Variants in CDH12 observed in about 807,000 individuals in gnomAD.
CDH12 encodes cadherin-12.
A neutral mutation model predicts 74.1 loss-of-function variants in CDH12; 41 were observed. That is an observed-to-expected ratio of 0.55 (90% CI 0.43 to 0.72). The LOEUF is 0.72. CDH12 is among the 30% of genes least tolerant of loss of function. CDH12 has a pLI of 0.00. For missense variants in CDH12, 945 were observed against 977.2 expected (o/e 0.97, Z 0.44); for synonymous variants, 399 against 355.0 (o/e 1.12, Z -1.39).
At chr5:21,903,388 T>A (rs1211490840) in intron 6 of CDH12, among the ~76,000 whole-genome samples, 1 of 152,156 alleles carries the variant, frequency 6.6e-6, no homozygotes, top group Non-Finnish European at 1.5e-5. Context: ...GTAAGAAGCA[T>A]GCAAATAGAT....
At chr5:22,819,869 A>AAT (rs971720617) in intron 1 of CDH12, among the ~76,000 whole-genome samples, 1 of 149,268 alleles carries the variant, frequency 6.7e-6, no homozygotes, top group African/African-American at 2.4e-5. Context: ...CAGATATTTA[A>AAT]ATATATATAT....
intron 2 of CDH12, among the ~76,000 whole-genome samples, chr5:22,504,105 G>T (rs2126660727): frequency 6.6e-6 from 1 of 151,890 alleles, no homozygotes; most frequent in East Asian, 1.9e-4. Context: ...CAAAGAAAAG[G>T]TAAGCAATTT....
At chr5:21,804,247 C>A (rs776121188) in intron 9 of CDH12, among the ~76,000 whole-genome samples, 1 of 151,790 alleles carries the variant, frequency 6.6e-6, no homozygotes. Flanking sequence ...GCATAATATG[C>A]GATGGTTGAT....
intron 1 of CDH12, among the ~76,000 whole-genome samples, chr5:22,581,188 C>T (rs1170370446): frequency 6.6e-6 from 1 of 152,198 alleles, no homozygotes; most frequent in African/African-American, 2.4e-5. Context: ...CACTGCAGCC[C>T]CTCCCATCAC....
intron 6 of CDH12, among the ~76,000 whole-genome samples, chr5:21,958,055 T>C (rs1188366205): frequency 6.6e-6 from 1 of 151,942 alleles, no homozygotes; most frequent in African/African-American, 2.4e-5. Flanking sequence ...GCTGTTCTTG[T>C]GATAGTGAAT....
At chr5:22,788,194 G>A (rs978950525) in intron 1 of CDH12, among the ~76,000 whole-genome samples, 1 of 152,110 alleles carries the variant, frequency 6.6e-6, no homozygotes, top group African/African-American at 2.4e-5. Context: ...CTCATCTGCA[G>A]TAGTCCTTAT....
intron 4 of CDH12, among the ~76,000 whole-genome samples, chr5:22,191,222 G>T (rs1384690787): frequency 1.3e-5 from 2 of 151,850 alleles, no homozygotes; most frequent in African/African-American, 4.8e-5. Context: ...CAGATCTCTG[G>T]CCATCAATTT....
At chr5:21,782,209 T>G (rs8180413) in intron 11 of CDH12, among the ~76,000 whole-genome samples, 8 of 152,162 alleles carry the variant, frequency 5.3e-5, no homozygotes, top group Non-Finnish European at 1.2e-4. Context: ...CTCTCTAGTA[T>G]GGCAGCCTCT....
At chr5:22,583,629 T>G (rs1157791852) in intron 1 of CDH12, among the ~76,000 whole-genome samples, 1 of 152,096 alleles carries the variant, frequency 6.6e-6, no homozygotes, top group Non-Finnish European at 1.5e-5. Flanking sequence ...AGAGATAATG[T>G]AAAACAAAAG....
intron 1 of CDH12, among the ~76,000 whole-genome samples, chr5:22,788,945 A>T (rs1173807923): frequency 6.6e-6 from 1 of 151,892 alleles, no homozygotes; most frequent in Non-Finnish European, 1.5e-5. Flanking sequence ...TCATGCATAT[A>T]CCATATTTAA....
intron 1 of CDH12, among the ~76,000 whole-genome samples, chr5:22,663,664 A>G (rs1331310049): frequency 6.6e-6 from 1 of 152,180 alleles, no homozygotes; most frequent in Non-Finnish European, 1.5e-5. Context: ...TGGCTGATTT[A>G]AAATATTCAG....
At chr5:21,810,828 T>C (rs1303500016) in intron 9 of CDH12, among the ~76,000 whole-genome samples, 1 of 152,184 alleles carries the variant, frequency 6.6e-6, no homozygotes, top group African/African-American at 2.4e-5. Flanking sequence ...GCATGTATGA[T>C]TGGCTATGTA....
chr5:22,205,193 A>G (rs886781710), intron 4 of CDH12, among the ~76,000 whole-genome samples: 7 of 152,238 alleles, frequency 4.6e-5, no homozygotes, highest in Middle Eastern at 3.2e-3. Context: ...AGCCACAGAA[A>G]TTAATTTGGA....
At chr5:21,789,117 TAAA>T (rs1242478186) in intron 10 of CDH12, among the ~76,000 whole-genome samples, 19 of 152,212 alleles carry the variant, frequency 1.2e-4, no homozygotes, top group Admixed American at 5.9e-4. Context: ...TAAATTAGAG[TAAA>T]ATATAGAAAT....
chr5:21,940,340 G>A (rs1386052928), intron 6 of CDH12, among the ~76,000 whole-genome samples: 6 of 152,172 alleles, frequency 3.9e-5, no homozygotes, highest in Non-Finnish European at 7.3e-5. Context: ...ATTCTGGAGG[G>A]TGGGTGAGTC....
intron 3 of CDH12, among the ~76,000 whole-genome samples, chr5:22,271,889 C>T (rs1257718251): frequency 2.6e-5 from 4 of 151,978 alleles, no homozygotes; most frequent in Admixed American, 1.3e-4. Context: ...TTTGTTGTTC[C>T]ATTTAGGGCA....
intron 6 of CDH12, among the ~76,000 whole-genome samples, chr5:21,922,334 G>A (rs1754391001): frequency 6.6e-6 from 1 of 152,164 alleles, no homozygotes; most frequent in Admixed American, 6.5e-5. Context: ...GGACTGTTAG[G>A]AAAAAATGAG....
At chr5:22,655,438 T>C (rs1739982971) in intron 1 of CDH12, among the ~76,000 whole-genome samples, 1 of 152,222 alleles carries the variant, frequency 6.6e-6, no homozygotes, top group Non-Finnish European at 1.5e-5. Context: ...CATTATTTAA[T>C]ACATGATTAC....
chr5:22,100,303 T>G (rs1318653748), intron 4 of CDH12, among the ~76,000 whole-genome samples: 1 of 152,134 alleles, frequency 6.6e-6, no homozygotes, highest in African/African-American at 2.4e-5. Flanking sequence ...ATTGGAGGGA[T>G]AGTGAGAGAT....
Sources: allele counts gnomAD v4.1 joint callset (sites outside exome capture counted in the v4.1 genomes callset), GRCh38; gene constraint gnomAD v4.1.1; transcripts MANE v1.5; gene names NCBI Gene and HGNC (gene_info 2026-07-23, HGNC 2026-07-21).